TBC1D9: variants seen among roughly 807,000 people sequenced by gnomAD.
TBC1D9 encodes TBC1 domain family member 9A.
A neutral mutation model predicts 132.0 loss-of-function variants in TBC1D9; 63 were observed. The ratio of observed to expected loss-of-function variants is 0.48; its 90% CI spans 0.39 to 0.59. The LOEUF (loss-of-function observed/expected upper bound fraction) is 0.59, where lower values mean the gene tolerates loss of function less well. TBC1D9 is among the 20% of genes least tolerant of loss of function. The pLI, the probability that TBC1D9 is intolerant of heterozygous loss-of-function variation, is 0.00. For synonymous variants in TBC1D9, 610 were observed against 609.9 expected (o/e 1.00, Z 0.00); for missense variants, 1,261 against 1,592.7 (o/e 0.79, Z 3.54).
chr4:140,714,883 T>C (rs1446991566), intron 1 of TBC1D9, among the ~76,000 whole-genome samples: 4 of 152,102 alleles, frequency 2.6e-5, no homozygotes, highest in Admixed American at 1.3e-4. Context: ...TCCCAGAATT[T>C]TGGGAGGCTG....
chr4:140,646,274 A>G (rs1434450445), intron 13 of TBC1D9, among the ~76,000 whole-genome samples: 2 of 152,152 alleles, frequency 1.3e-5, no homozygotes, highest in East Asian at 3.9e-4. Context: ...CTAAGTTCAA[A>G]CCCAGGTCGT....
chr4:140,624,208 T>G lies in TBC1D9; in HGVS notation c.2986A>C (p.Asn996His). The change falls in exon 20 of 21, where the codon AAT (asparagine) becomes CAT (histidine). Residue 996 changes from asparagine (N) to histidine (H), a missense_variant. Coordinates refer to ENST00000442267, the MANE Select transcript of TBC1D9 (RefSeq NM_015130.3). ...SLKPDKGKRA[N>H]SQENRNYLRL... The stretch of plus-strand genomic sequence containing the variant: ...AAATAATTACGATTTTCTTGGGAAT[T>G]TGCTCTCTTCCCTACAACCCAAATG... 1 of 1,611,826 alleles carries G rather than the reference T, an allele frequency of 6.2e-7. No homozygotes were observed. The highest frequency in any genetic ancestry group is 8.5e-7 in the Non-Finnish European group (1 of 1,178,788).
chr4:140,703,870 C>T (rs867024421), intron 1 of TBC1D9, among the ~76,000 whole-genome samples: 1 of 152,274 alleles, frequency 6.6e-6, no homozygotes, highest in Middle Eastern at 3.4e-3. Context: ...TTTTTGTTTG[C>T]TTTACTGTGA....
chr4:140,645,339 C>T (rs1737087171), intron 13 of TBC1D9: 1 of 502,120 alleles, frequency 2.0e-6, no homozygotes, highest in South Asian at 1.5e-5. Context: ...CCACTGCTGC[C>T]ACTATCCTTC....
At chr4:140,738,415 C>T (rs1738709740) in intron 1 of TBC1D9, among the ~76,000 whole-genome samples, 2 of 152,156 alleles carry the variant, frequency 1.3e-5, no homozygotes, top group African/African-American at 4.8e-5. Flanking sequence ...TCAGAGCCTC[C>T]TAAGAATGTA....
rs147923635 is a variant in TBC1D9 at position 140,736,124 on chromosome 4, G to C, written c.130+19792C>G. On this transcript the variant is annotated intron_variant, in intron 1 of 20. Coordinates refer to ENST00000442267, the MANE Select transcript of TBC1D9 (RefSeq NM_015130.3). Reference sequence around the variant, plus strand: ...ATGATACCTCCCTAGAATATACCATGAAGCTGAGGTTGTCAGGAAGGAAAA... The same window carrying C: ...ATGATACCTCCCTAGAATATACCATCAAGCTGAGGTTGTCAGGAAGGAAAA... Among the ~76,000 whole-genome samples the C allele has an allele frequency of 3.9e-3, 598 of 152,192 alleles. 4 individuals are homozygous for C. Among genetic ancestry groups the C allele is most frequent in the Non-Finnish European group, 6.9e-3 (467 of 68,018 alleles).
chr4:140,708,180 A>T (rs1160719964), intron 1 of TBC1D9, among the ~76,000 whole-genome samples: 2 of 152,198 alleles, frequency 1.3e-5, no homozygotes, highest in Non-Finnish European at 2.9e-5. Flanking sequence ...TCTTTGTACC[A>T]TAGTTTCCAA....
intron 16 of TBC1D9, among the ~76,000 whole-genome samples, chr4:140,631,192 C>T (rs1434172256): frequency 6.6e-6 from 1 of 152,204 alleles, no homozygotes; most frequent in African/African-American, 2.4e-5. Flanking sequence ...GAAAGAGATA[C>T]AGCTAATTTA....
chr4:140,719,144 AAATAAATAAATAAAT>A (rs1738384559), intron 1 of TBC1D9, among the ~76,000 whole-genome samples: 1 of 149,704 alleles, frequency 6.7e-6, no homozygotes, highest in South Asian at 2.1e-4. Context: ...ATAAATAAAT[AAATAAATAAATAAAT>A]AAAAGAAAGT....
intron 13 of TBC1D9, chr4:140,644,505 G>T: frequency 3.4e-6 from 1 of 293,668 alleles, no homozygotes; most frequent in Non-Finnish European, 6.6e-6. Context: ...CAGGCGGGGG[G>T]CTTTCGCAGC....
intron 2 of TBC1D9, among the ~76,000 whole-genome samples, chr4:140,698,889 T>C (rs1319498473): frequency 6.6e-6 from 1 of 152,184 alleles, no homozygotes; most frequent in Non-Finnish European, 1.5e-5. Context: ...CTAGCCTATA[T>C]TCCTCTCTTT....
chr4:140,703,648 C>G (rs954243392), intron 1 of TBC1D9, among the ~76,000 whole-genome samples: 1 of 152,096 alleles, frequency 6.6e-6, no homozygotes, highest in African/African-American at 2.4e-5. Flanking sequence ...GGTCTTTGTC[C>G]AAGGGCAAAA....
At chr4:140,642,114 A>G in intron 13 of TBC1D9, 1 of 743,640 alleles carries the variant, frequency 1.3e-6, no homozygotes, top group Non-Finnish European at 2.5e-6. Context: ...CCTCTTGGTC[A>G]GCTAGGGGCC....
chr4:140,673,952 C>T (rs930392948), intron 6 of TBC1D9, among the ~76,000 whole-genome samples: 4 of 152,160 alleles, frequency 2.6e-5, no homozygotes, highest in Admixed American at 6.5e-5. Flanking sequence ...GTCTTGATAG[C>T]GGCTTCCAGA....
At chr4:140,664,239 G>C (rs1737410056) in intron 9 of TBC1D9, among the ~76,000 whole-genome samples, 1 of 151,936 alleles carries the variant, frequency 6.6e-6, no homozygotes, top group South Asian at 2.1e-4. Context: ...GTTCATGAAG[G>C]CTGCAGGATA....
intron 13 of TBC1D9, chr4:140,643,628 C>G: frequency 1.0e-6 from 1 of 1,001,692 alleles, no homozygotes; most frequent in Non-Finnish European, 1.4e-6. Context: ...CCGCAGGAAC[C>G]GCCACAGGCA....
At position 140,622,691 on chromosome 4, in the gene TBC1D9, C is replaced by T. The variant is rs1411616246; in HGVS notation, c.3305G>A (p.Gly1102Asp). 1.2e-6 allele frequency: 2 copies of T among 1,611,300 alleles called. No homozygotes were observed. The highest frequency in any genetic ancestry group is 2.2e-5 in the East Asian group (1 of 44,886). ...PGVLFPKKGP[G>D]QPYVVESVEP... ...AACAGACTCCACCACGTAAGGCTGGCCTGGCCCTTTCTTGGGGAAGAGCAC... is the reference window on the plus strand; with the variant it reads ...AACAGACTCCACCACGTAAGGCTGGTCTGGCCCTTTCTTGGGGAAGAGCAC... Residue 1102 changes from glycine to aspartate, a missense_variant, in exon 21 of 21, where the codon GGC becomes GAC. Gly to Asp is a moderately conservative substitution (Grantham distance 94). This residue lies in a region of TBC1D9 where 618 missense variants were observed against 724.4 expected (regional missense o/e 0.85). Transcript: ENST00000442267.
chr4:140,699,530 T>C (rs1738030794), intron 2 of TBC1D9, among the ~76,000 whole-genome samples: 2 of 152,228 alleles, frequency 1.3e-5, no homozygotes, highest in African/African-American at 4.8e-5. Flanking sequence ...AAAAATCTAC[T>C]GCCCCTGTCT....
chr4:140,748,414 G>T (rs1431187777), intron 1 of TBC1D9, among the ~76,000 whole-genome samples: 1 of 151,258 alleles, frequency 6.6e-6, no homozygotes, highest in African/African-American at 2.4e-5. Context: ...AGAGATGAGG[G>T]GATGAAGGAA....
Sources: allele counts gnomAD v4.1 joint callset (sites outside exome capture counted in the v4.1 genomes callset), GRCh38; gene constraint gnomAD v4.1.1; regional missense constraint gnomAD v4.1.1; transcripts MANE v1.5; gene names NCBI Gene and HGNC (gene_info 2026-07-23, HGNC 2026-07-21).